The following GPR15LG variants were observed in gnomAD, a reference collection of about 807,000 sequenced individuals.
GPR15LG encodes G protein-coupled receptor 15 ligand.
At chr10:84,184,104 G>A in the GPR15LG span, among the ~76,000 whole-genome samples, 5 of 151,116 alleles carry the variant, frequency 3.3e-5, no homozygotes, top group Admixed American at 2.0e-4. Flanking sequence ...AGGATAGCTT[G>A]AGGCCAGGAG....
the GPR15LG span, among the ~76,000 whole-genome samples, chr10:84,180,112 T>A: frequency 6.6e-6 from 1 of 152,214 alleles, no homozygotes; most frequent in Non-Finnish European, 1.5e-5. Context: ...CAAGCATCTG[T>A]TTAACAAAGC....
At chr10:84,174,172 G>C in the GPR15LG span, among the ~76,000 whole-genome samples, 2 of 152,294 alleles carry the variant, frequency 1.3e-5, no homozygotes, top group African/African-American at 4.8e-5. Flanking sequence ...TGGTGTGTTC[G>C]CCATGCAAAC....
At chr10:84,179,044 A>T in the GPR15LG span, among the ~76,000 whole-genome samples, 1 of 152,188 alleles carries the variant, frequency 6.6e-6, no homozygotes, top group African/African-American at 2.4e-5. Flanking sequence ...GTGGACAGAA[A>T]GTGTTCTGTA....
the GPR15LG span, among the ~76,000 whole-genome samples, chr10:84,176,063 T>G: frequency 2.6e-5 from 4 of 151,964 alleles, no homozygotes; most frequent in African/African-American, 9.7e-5. Context: ...TGATTTTGTA[T>G]TTTTAGTAGA....
chr10:84,179,099 C>G, the GPR15LG span, among the ~76,000 whole-genome samples: 2 of 152,208 alleles, frequency 1.3e-5, no homozygotes, highest in East Asian at 1.9e-4. Context: ...CGGCTGACTT[C>G]CCAGAAGGAA....
At chr10:84,174,061 T>C in the GPR15LG span, 1 of 688,708 alleles carries the variant, frequency 1.5e-6, no homozygotes. Flanking sequence ...GGGCTCTTTC[T>C]CCTGAACCTA....
the GPR15LG span, chr10:84,185,199 C>A: frequency 2.3e-6 from 1 of 442,920 alleles, no homozygotes; most frequent in Non-Finnish European, 3.1e-6. Context: ...CAGTGGTCCC[C>A]AAGGAATCCC....
chr10:84,178,290 T>C, the GPR15LG span, among the ~76,000 whole-genome samples: 1 of 149,708 alleles, frequency 6.7e-6, no homozygotes, highest in South Asian at 2.1e-4. Flanking sequence ...AGACACACAC[T>C]ATACACACAA....
chr10:84,184,844 C>A, the GPR15LG span: 1 of 1,586,764 alleles, frequency 6.3e-7, no homozygotes, highest in South Asian at 1.1e-5. Flanking sequence ...CCTGTCTCCC[C>A]TTTCAGCCTT....
At chr10:84,184,861 A>T in the GPR15LG span, 3 of 1,557,668 alleles carry the variant, frequency 1.9e-6, no homozygotes, top group South Asian at 3.6e-5. Flanking sequence ...CCTTCACAGC[A>T]GTGAGCTGCA....
chr10:84,184,625 C>A, the GPR15LG span: 1 of 1,574,146 alleles, frequency 6.4e-7, no homozygotes, highest in Non-Finnish European at 8.7e-7. Flanking sequence ...CAACCTGGCT[C>A]TGACCTCGCC....
chr10:84,180,647 T>A, the GPR15LG span, among the ~76,000 whole-genome samples: 1 of 151,532 alleles, frequency 6.6e-6, no homozygotes, highest in Non-Finnish European at 1.5e-5. Context: ...AGACGATGGG[T>A]GGCCAGGCAG....
At chr10:84,175,744 C>T in the GPR15LG span, among the ~76,000 whole-genome samples, 18 of 152,158 alleles carry the variant, frequency 1.2e-4, no homozygotes, top group Admixed American at 1.1e-3. Context: ...GGACTCAAGC[C>T]ATCCTCCCAC....
the GPR15LG span, among the ~76,000 whole-genome samples, chr10:84,180,480 A>T: frequency 0.27 from 38,758 of 144,342 alleles, 5,799 homozygotes; most frequent in African/African-American, 0.44. Flanking sequence ...GCTCTTCACA[A>T]CTCAGATGGG....
chr10:84,184,803 C>T, the GPR15LG span: 387 of 1,612,276 alleles, frequency 2.4e-4, 1 homozygote, highest in Non-Finnish European at 3.0e-4. Flanking sequence ...CGGAGAACCT[C>T]ATGCCTGGCA....
At chr10:84,184,572 T>G in the GPR15LG span, 1 of 1,138,262 alleles carries the variant, frequency 8.8e-7, no homozygotes, top group Non-Finnish European at 1.3e-6. Context: ...TTTTTAAATG[T>G]GTTTGAAAAT....
chr10:84,184,752 C>A, the GPR15LG span: 2 of 1,613,850 alleles, frequency 1.2e-6, no homozygotes, highest in East Asian at 4.5e-5. Flanking sequence ...GCCTGGGGCA[C>A]TCCCACAGGT....
the GPR15LG span, among the ~76,000 whole-genome samples, chr10:84,182,289 C>T: frequency 6.6e-6 from 1 of 152,198 alleles, no homozygotes; most frequent in Non-Finnish European, 1.5e-5. Context: ...GGGCCTCAGA[C>T]CCATGGTCTT....
At chr10:84,175,861 C>T in the GPR15LG span, among the ~76,000 whole-genome samples, 54 of 151,802 alleles carry the variant, frequency 3.6e-4, no homozygotes, top group African/African-American at 1.1e-3. Flanking sequence ...AAAGTATGTC[C>T]TTTATTCAGG....
Sources: gnomAD v4.1 joint callset for allele counts (sites outside exome capture counted in the v4.1 genomes callset) on GRCh38, gnomAD v4.1.1 for gene constraint, MANE v1.5 for transcripts, NCBI Gene and HGNC (gene_info 2026-07-23, HGNC 2026-07-21) for gene names.